PCDHGB1: variants seen among roughly 807,000 people sequenced by gnomAD.
PCDHGB1 encodes protocadherin gamma subfamily B, 1.
In PCDHGB1, 34 loss-of-function variants were observed where a neutral mutation model predicts 56.6. The ratio of observed to expected loss-of-function variants is 0.60; its 90% CI spans 0.46 to 0.80. The LOEUF (loss-of-function observed/expected upper bound fraction) is 0.80, where lower values mean the gene tolerates loss of function less well. PCDHGB1 is among the 30% of genes least tolerant of loss of function. PCDHGB1 has a pLI of 0.00. For missense variants in PCDHGB1, 1,278 were observed against 1,204.6 expected (o/e 1.06, Z -0.90); for synonymous variants, 561 against 505.9 (o/e 1.11, Z -1.46).
rs986276637 is a variant in PCDHGB1, at chr5:141,487,728, C to A, written c.2410-7079C>A. The A allele has an allele frequency of 3.2e-6, 5 of 1,570,444 alleles. No individual in the cohort carries two copies. The highest frequency in any genetic ancestry group is 2.3e-5 in the East Asian group (1 of 42,866). On this transcript the variant is annotated intron_variant, in intron 1 of 3. Transcript: ENST00000523390. The surrounding 1 kb of genome is among the most constrained non-coding windows in gnomAD (Gnocchi z 5.0). ...TCAGTAAGTGCCCATAGTGATGTCACCATTTTTGTAAGAGGTAACTATGTG... is the reference window on the plus strand; with the variant it reads ...TCAGTAAGTGCCCATAGTGATGTCAACATTTTTGTAAGAGGTAACTATGTG...
intron 1 of PCDHGB1, chr5:141,398,251 C>G (rs753114593): frequency 6.8e-7 from 1 of 1,464,006 alleles, no homozygotes; most frequent in East Asian, 2.5e-5. Flanking sequence ...CGAGGAAATG[C>G]CCAAGGGCTC....
intron 1 of PCDHGB1, chr5:141,357,399 AGG>A: frequency 6.2e-7 from 1 of 1,614,238 alleles, no homozygotes; most frequent in Non-Finnish European, 8.5e-7. Context: ...GCAGGTTGGC[AGG>A]TGTGCCTGCC....
intron 1 of PCDHGB1, among the ~76,000 whole-genome samples, chr5:141,463,024 A>G (rs2099051235): frequency 6.6e-6 from 1 of 152,070 alleles, no homozygotes; most frequent in South Asian, 2.1e-4. Context: ...GACTTTTTTG[A>G]TTAATCTGAG....
intron 1 of PCDHGB1, chr5:141,374,346 G>A: frequency 1.2e-6 from 2 of 1,614,048 alleles, no homozygotes; most frequent in South Asian, 2.2e-5. Flanking sequence ...GTCACCGCGG[G>A]TAGGATAGAC....
At chr5:141,400,294 T>TTGCC (rs1347415154) in intron 1 of PCDHGB1, 1 of 1,614,070 alleles carries the variant, frequency 6.2e-7, no homozygotes, top group African/African-American at 1.3e-5. Context: ...CTGGAGCTGC[T>TTGCC]TCCAACCTGG....
At chr5:141,395,889 G>A (rs1375818306) in intron 1 of PCDHGB1, 3 of 151,948 alleles carry the variant, frequency 2.0e-5, no homozygotes, top group African/African-American at 4.8e-5. Flanking sequence ...GTGGTCACCT[G>A]GGCTCCATGC....
At chr5:141,462,990 A>G (rs181384059) in intron 1 of PCDHGB1, among the ~76,000 whole-genome samples, 1 of 152,126 alleles carries the variant, frequency 6.6e-6, no homozygotes, top group Non-Finnish European at 1.5e-5. Flanking sequence ...GCCTTGGGCT[A>G]ATTTAGACCT....
rs1214425261 is a variant in PCDHGB1 at position 141,485,865 on chromosome 5, C to G, written c.2410-8942C>G. On this transcript the variant is annotated intron_variant, in intron 1 of 3. Coordinates refer to ENST00000523390, the MANE Select transcript of PCDHGB1 (RefSeq NM_018922.3). This position sits in a 1 kb window ranked among gnomAD's most constrained non-coding sequence, Gnocchi z 5.7. The stretch of plus-strand genomic sequence containing the variant: ...TCTGGCACCGCAGAGCTCCGGGTAT[C>G]CGTGCTGGACGTAAACGACAACGCC... The G allele has an allele frequency of 1.2e-6, 2 of 1,614,182 alleles. No individual in the cohort carries two copies.
chr5:141,356,132 A>G (rs1760120459), intron 1 of PCDHGB1: 1 of 1,613,458 alleles, frequency 6.2e-7, no homozygotes, highest in Non-Finnish European at 8.5e-7. Context: ...GATTATGAGG[A>G]CTCTGGATTC....
At chr5:141,413,468 A>C in intron 1 of PCDHGB1, 1 of 1,614,072 alleles carries the variant, frequency 6.2e-7, no homozygotes, top group South Asian at 1.1e-5. Context: ...GACCGGGAGG[A>C]GCTCTGCGCT....
chr5:141,387,793 A>T, intron 1 of PCDHGB1: 1 of 1,495,928 alleles, frequency 6.7e-7, no homozygotes, highest in Non-Finnish European at 8.9e-7. Flanking sequence ...CTGCAACTAA[A>T]GTCCGTTCGG....
rs369323252 is a variant in PCDHGB1 at position 141,487,658 on chromosome 5, G to T, written c.2410-7149G>T. ...TCAACAAATGCTTGAGGGTTATTCT[G>T]ATCCAGGCATATGGCTAGGCCATGT... On this transcript the variant is annotated intron_variant, in intron 1 of 3. Coordinates refer to ENST00000523390, the MANE Select transcript of PCDHGB1 (RefSeq NM_018922.3). This position sits in a 1 kb window ranked among gnomAD's most constrained non-coding sequence, Gnocchi z 5.0. The T allele has an allele frequency of 8.7e-5, 140 of 1,613,508 alleles. No individual in the cohort carries two copies. The highest frequency in any genetic ancestry group is 1.1e-4 in the Non-Finnish European group (134 of 1,179,802).
chr5:141,374,310 C>T, intron 1 of PCDHGB1: 3 of 1,614,006 alleles, frequency 1.9e-6, no homozygotes, highest in Non-Finnish European at 1.7e-6. Flanking sequence ...CAGCTTTTCT[C>T]TCTGAATCCG....
At chr5:141,426,916 A>T (rs1227752756) in intron 1 of PCDHGB1, 2 of 456,618 alleles carry the variant, frequency 4.4e-6, no homozygotes, top group Non-Finnish European at 4.4e-6. Context: ...CTGGTCCTGG[A>T]AGCAATGGAC....
intron 1 of PCDHGB1, among the ~76,000 whole-genome samples, chr5:141,448,629 C>T (rs1188418541): frequency 6.6e-6 from 1 of 152,060 alleles, no homozygotes; most frequent in Non-Finnish European, 1.5e-5. Flanking sequence ...CCTTTCTTCA[C>T]ATTATATCCT....
At chr5:141,355,425 C>CGAAAA in intron 1 of PCDHGB1, 1 of 1,614,092 alleles carries the variant, frequency 6.2e-7, no homozygotes, top group Non-Finnish European at 8.5e-7. Context: ...CGCAGCTTTT[C>CGAAAA]GCCCTGAACC....
chr5:141,446,279 G>A (rs1326701686), intron 1 of PCDHGB1, among the ~76,000 whole-genome samples: 1 of 152,096 alleles, frequency 6.6e-6, no homozygotes, highest in African/African-American at 2.4e-5. Context: ...AAATACAATG[G>A]ATAAATGGGG....
chr5:141,365,229 A>G (rs1356332881), intron 1 of PCDHGB1: 2 of 1,613,824 alleles, frequency 1.2e-6, no homozygotes, highest in Non-Finnish European at 1.7e-6. Flanking sequence ...AACCTGGGGG[A>G]AATCTCAACT....
chr5:141,384,334 C>T, intron 1 of PCDHGB1: 1 of 1,613,846 alleles, frequency 6.2e-7, no homozygotes. Flanking sequence ...TGCACAGGAC[C>T]ACGACAGTGA....
Sources: gnomAD v4.1 joint callset for allele counts (sites outside exome capture counted in the v4.1 genomes callset) on GRCh38, gnomAD v4.1.1 for gene constraint, Gnocchi (gnomAD v3.1) non-coding constraint, MANE v1.5 for transcripts, NCBI Gene and HGNC (gene_info 2026-07-23, HGNC 2026-07-21) for gene names.